The following ACOX3 variants were observed in gnomAD, a reference collection of about 807,000 sequenced individuals.
The protein encoded by ACOX3 is acyl-CoA oxidase 3, pristanoyl.
ACOX3 carries 73 observed loss-of-function variants against 81.5 expected under a neutral mutation model. The observed-to-expected ratio is 0.90, with a 90% confidence interval of 0.74 to 1.09. ACOX3 has a LOEUF of 1.09. Among genes scored for constraint, ACOX3 ranks in the 50% least tolerant of loss-of-function variants. The pLI is 0.00. For missense variants in ACOX3, 947 were observed against 928.0 expected, an observed-to-expected ratio of 1.02 and a Z score of -0.27; for synonymous variants, 387 against 375.1, an observed-to-expected ratio of 1.03 and a Z score of -0.37.
Position 8,389,237 on chromosome 4 carries a change from G to A in ACOX3, c.1473C>T (p.Ala491=). ...SPLKSVDFLD[A]YPGILDQKFE... is the part of the protein sequence containing the mutation. ...ACTTCTGGTCAAGGATGCCGGGATAGGCGTCCAGAAAGTCCACTGACTTCA... is the reference window on the plus strand; with the variant it reads ...ACTTCTGGTCAAGGATGCCGGGATAAGCGTCCAGAAAGTCCACTGACTTCA... Residue 491 remains alanine, a synonymous_variant, in exon 13 of 18, where the codon GCC becomes GCT. Coordinates refer to ENST00000356406, the MANE Select transcript of ACOX3 (RefSeq NM_003501.3). This position sits in a 1 kb window ranked among gnomAD's most constrained non-coding sequence, Gnocchi z 5.3. 6.2e-7 allele frequency: 1 copy of A among 1,613,908 alleles called. No individual in the cohort carries two copies. Among genetic ancestry groups the A allele is most frequent in the African/African-American group, 1.3e-5 (1 of 75,062 alleles).
chr4:8,432,530 G>A lies in ACOX3; in HGVS notation c.-15+8118C>T, dbSNP rs1445702706. On this transcript the variant is annotated intron_variant, in intron 1 of 17. Transcript: ENST00000356406. The surrounding 1 kb of genome is among the most constrained non-coding windows in gnomAD (Gnocchi z 6.2). ...TTACAGGCGTGAGCCACCGCGCCCG[G>A]CCTGATTTTTTTTTTTAATTATAAA... is the stretch of plus-strand genomic sequence containing the variant. 6.6e-6 allele frequency among the ~76,000 whole-genome samples: 1 copy of A among 151,906 alleles called. No individual in the cohort carries two copies. The highest frequency in any genetic ancestry group is 1.5e-5 in the Non-Finnish European group (1 of 68,026).
chr4:8,380,769 AAC>A (rs1325017551), intron 14 of ACOX3, among the ~76,000 whole-genome samples: 2 of 152,302 alleles, frequency 1.3e-5, no homozygotes, highest in Non-Finnish European at 2.9e-5. Flanking sequence ...CTCCCTGCAC[AAC>A]ACTCATGGCC....
intron 5 of ACOX3, among the ~76,000 whole-genome samples, chr4:8,412,493 A>AGAAT (rs774518570): frequency 3.9e-5 from 6 of 152,170 alleles, no homozygotes; most frequent in Admixed American, 6.5e-5. Flanking sequence ...GATGGATGAG[A>AGAAT]GAATGAATGG....
At chr4:8,438,813 C>T (rs922272127) in intron 1 of ACOX3, 3 of 152,232 alleles carry the variant, frequency 2.0e-5, no homozygotes, top group Admixed American at 1.3e-4. Context: ...TCAGCTAACA[C>T]TGGCAGCTCA....
rs1282168718 is a variant in ACOX3 at position 8,386,309 on chromosome 4, G to A, written c.1537+2864C>T. Among the ~76,000 whole-genome samples the A allele has an allele frequency of 6.6e-6, 1 of 152,170 alleles. No individual in the cohort carries two copies. Among genetic ancestry groups the A allele is most frequent in the Non-Finnish European group, 1.5e-5 (1 of 68,024 alleles). ...CGGCCGGGCGTGGTGGCTCATGCCTGTGATCCCAGCACTTCGGGAGGCCAA... is the reference window on the plus strand; with the variant it reads ...CGGCCGGGCGTGGTGGCTCATGCCTATGATCCCAGCACTTCGGGAGGCCAA... On this transcript the variant is annotated intron_variant, in intron 13 of 17. Coordinates refer to ENST00000356406, the MANE Select transcript of ACOX3 (RefSeq NM_003501.3). This position sits in a 1 kb window ranked among gnomAD's most constrained non-coding sequence, Gnocchi z 5.2.
Position 8,394,374 on chromosome 4 carries a change from C to T in ACOX3, c.1179+246G>A, listed in dbSNP as rs1385993817. Among the ~76,000 whole-genome samples, 1 of 152,218 alleles carries T rather than the reference C, an allele frequency of 6.6e-6. No homozygotes were observed. The highest frequency in any genetic ancestry group is 2.4e-5 in the African/African-American group (1 of 41,458). ...CATGTTCTCAAAAGGAGACCAACAG[C>T]TGAACTCACAGACTGGAACCGGGAG... On this transcript the variant is annotated intron_variant, in intron 10 of 17. Transcript: ENST00000356406. The surrounding 1 kb of genome is among the most constrained non-coding windows in gnomAD (Gnocchi z 5.9).
chr4:8,366,619 A>T lies in ACOX3; in HGVS notation c.*342T>A, dbSNP rs1715473900. 5.4e-6 allele frequency: 1 copy of T among 185,742 alleles called. No individual in the cohort carries two copies. The highest frequency in any genetic ancestry group is 1.1e-5 in the Non-Finnish European group (1 of 88,334). The allele number at this position is 185,742 out of a possible 1,614,324, so 11.5% of individuals were successfully genotyped here. ...GAATCACAGGTTGTCTGACCAGAAG[A>T]TCCCTGACAATGGGCTGTTTACTTT... On this transcript the variant is annotated 3_prime_UTR_variant, in exon 18 of 18. Transcript: ENST00000356406.
Position 8,399,412 on chromosome 4 carries a change from C to T in ACOX3, c.873+144G>A. The T allele has an allele frequency of 4.4e-6, 3 of 681,802 alleles. No individual in the cohort carries two copies. The highest frequency in any genetic ancestry group is 7.4e-6 in the Non-Finnish European group (3 of 404,916). The allele number at this position is 681,802 out of a possible 1,614,324, so 42.2% of individuals were successfully genotyped here. A position where few individuals can be genotyped will look rare whatever the true frequency, so the allele number is the denominator to read the frequency against. On this transcript the variant is annotated intron_variant, in intron 8 of 17. Transcript: ENST00000356406. The surrounding 1 kb of genome is among the most constrained non-coding windows in gnomAD (Gnocchi z 4.9). ...CCCCTTCTAGCGGGAGCACCAGAAC[C>T]CGAGCCAGGAGAAGTATGCCCCAGC... is the stretch of plus-strand genomic sequence containing the variant.
rs1720944877 is a variant in ACOX3, at chr4:8,406,324, T to C, written c.688-281A>G. Among the ~76,000 whole-genome samples the C allele has an allele frequency of 6.6e-6, 1 of 152,132 alleles. No homozygotes were observed. Among genetic ancestry groups the C allele is most frequent in the Admixed American group, 6.5e-5 (1 of 15,284 alleles). On this transcript the variant is annotated intron_variant, in intron 6 of 17. Coordinates refer to ENST00000356406, the MANE Select transcript of ACOX3 (RefSeq NM_003501.3). This position sits in a 1 kb window ranked among gnomAD's most constrained non-coding sequence, Gnocchi z 5.6. ...GCCCTAAATCCCACGGCAAGTGTCC[T>C]ATGAGAATCAGAAGAGGAGTGGGTG... is the stretch of plus-strand genomic sequence containing the variant.
chr4:8,429,937 A>G (rs754649107), intron 1 of ACOX3, among the ~76,000 whole-genome samples: 1 of 152,144 alleles, frequency 6.6e-6, no homozygotes, highest in Non-Finnish European at 1.5e-5. Context: ...AAAAAGCACA[A>G]GGAAAACTAA....
Position 8,414,945 on chromosome 4 carries a change from G to A in ACOX3, c.379-17C>T, listed in dbSNP as rs190947311. ...TCCAAAAACCTGAAAGTATAACATC[G>A]TCCTATCAACAGGGGGCAGGTAAGA... On this transcript the variant is annotated splice_polypyrimidine_tract_variant and intron_variant, in intron 3 of 17. Transcript: ENST00000356406. This position sits in a 1 kb window ranked among gnomAD's most constrained non-coding sequence, Gnocchi z 6.1. The A allele has an allele frequency of 9.9e-5, 160 of 1,613,250 alleles. 1 individual carries two copies. In the Admixed American group the frequency reaches 1.4e-3, roughly 14 times the overall value.
Position 8,411,086 on chromosome 4 carries a change from C to T in ACOX3, c.544-731G>A, listed in dbSNP as rs1316517899. Among the ~76,000 whole-genome samples the T allele has an allele frequency of 2.6e-5, 4 of 152,280 alleles. 1 individual carries two copies. The highest frequency in any genetic ancestry group is 4.1e-4 in the South Asian group (2 of 4,824). ...CCAGGGGCGTCTGCTGGGAGCCCTT[C>T]GAGTAAGGCTGGGAGGGAGGATGCG... On this transcript the variant is annotated intron_variant, in intron 5 of 17. Coordinates refer to ENST00000356406, the MANE Select transcript of ACOX3 (RefSeq NM_003501.3).
At chr4:8,398,638 G>A (rs1350909947) in intron 8 of ACOX3, among the ~76,000 whole-genome samples, 1 of 152,110 alleles carries the variant, frequency 6.6e-6, no homozygotes, top group Non-Finnish European at 1.5e-5. Context: ...ACCATGCCCG[G>A]CTAATTTTTG....
the ACOX3 span, chr4:8,356,934 C>T: frequency 3.1e-5 from 13 of 426,162 alleles, no homozygotes; most frequent in Admixed American, 1.5e-4. Flanking sequence ...TCCCAGCAGG[C>T]GAGAAGAAGA....
intron 14 of ACOX3, among the ~76,000 whole-genome samples, chr4:8,378,796 G>A (rs1385986096): frequency 6.6e-6 from 1 of 152,218 alleles, no homozygotes; most frequent in African/African-American, 2.4e-5. Flanking sequence ...ACTGGCAGGA[G>A]CCAGAAAATG....
intron 1 of ACOX3, among the ~76,000 whole-genome samples, chr4:8,417,756 C>T (rs1028594586): frequency 7.2e-5 from 11 of 152,316 alleles, no homozygotes; most frequent in East Asian, 1.9e-4. Context: ...AATCAATAAA[C>T]GATCAAGTTG....
Position 8,381,692 on chromosome 4 carries a change from C to T in ACOX3, c.1538-85G>A. On this transcript the variant is annotated intron_variant, in intron 13 of 17. Coordinates refer to ENST00000356406, the MANE Select transcript of ACOX3 (RefSeq NM_003501.3). This position sits in a 1 kb window ranked among gnomAD's most constrained non-coding sequence, Gnocchi z 4.3. ...ACTCACCCCCAGGGACAAGGCACTG[C>T]CAGCATCCTGCAGGTACCAGGTTGT... 1.0e-5 allele frequency: 10 copies of T among 1,001,532 alleles called. No homozygotes were observed. The South Asian group carries it at 1.4e-4, about 14-fold the overall frequency. 62.0% of individuals were successfully genotyped at this position (1,001,532 alleles called of 1,614,324 possible).
In ACOX3 at chr4:8,414,416, A is replaced by G. The variant is rs1560198063; in HGVS notation, c.454-35T>C. 1 of 1,586,812 alleles carries G rather than the reference A, an allele frequency of 6.3e-7. No individual in the cohort carries two copies. The highest frequency in any genetic ancestry group is 1.7e-5 in the Admixed American group (1 of 59,970). On this transcript the variant is annotated intron_variant, in intron 4 of 17. Coordinates refer to ENST00000356406, the MANE Select transcript of ACOX3 (RefSeq NM_003501.3). The surrounding 1 kb of genome is among the most constrained non-coding windows in gnomAD (Gnocchi z 6.1). ...AAAGCACAAAATGATGGAAAGCAAGAAAAGTTCTTTGTGCACATTCCCAGA... is the reference window on the plus strand; with the variant it reads ...AAAGCACAAAATGATGGAAAGCAAGGAAAGTTCTTTGTGCACATTCCCAGA...
Position 8,381,804 on chromosome 4 carries a change from C to T in ACOX3, c.1538-197G>A, listed in dbSNP as rs1351923275. 6.6e-6 allele frequency among the ~76,000 whole-genome samples: 1 copy of T among 152,196 alleles called. No individual in the cohort carries two copies. The highest frequency in any genetic ancestry group is 1.9e-4 in the East Asian group (1 of 5,186). ...AGGGAGGGCACCTGCCCAGGGCCCC[C>T]CTGGCTGGAGGCACTTCCTGGCTCA... On this transcript the variant is annotated intron_variant, in intron 13 of 17. Transcript: ENST00000356406. This position sits in a 1 kb window ranked among gnomAD's most constrained non-coding sequence, Gnocchi z 4.3.
Sources: allele counts gnomAD v4.1 joint callset (sites outside exome capture counted in the v4.1 genomes callset), GRCh38; gene constraint gnomAD v4.1.1; non-coding constraint Gnocchi (gnomAD v3.1); transcripts MANE v1.5; gene names NCBI Gene and HGNC (gene_info 2026-07-23, HGNC 2026-07-21).